Variants in PPP2R1B observed in about 807,000 individuals in gnomAD.
The protein encoded by PPP2R1B is serine/threonine-protein phosphatase 2A 65 kDa regulatory subunit A beta isoform.
Under a neutral mutation model 72.7 loss-of-function variants are expected in PPP2R1B, and 58 were observed. That is an observed-to-expected ratio of 0.80 (90% CI 0.65 to 0.99). PPP2R1B has a LOEUF of 0.99. PPP2R1B is among the 50% of genes least tolerant of loss of function. PPP2R1B has a pLI of 0.00. For synonymous variants in PPP2R1B, 256 were observed against 264.6 expected, an observed-to-expected ratio of 0.97 and a Z score of 0.32; for missense variants, 695 against 733.6, an observed-to-expected ratio of 0.95 and a Z score of 0.61.
chr11:111,740,503 G>A lies in PPP2R1B; in HGVS notation c.*1093C>T, dbSNP rs1393401249. On this transcript the variant is annotated 3_prime_UTR_variant, in exon 15 of 15. Transcript: ENST00000527614. ...TAAAAAGGGCTTTAATACTGTTTAA[G>A]TAGTTCAAATAGGCTTCCTCACTAT... The A allele has an allele frequency of 1.6e-5, 16 of 985,162 alleles. No homozygotes were observed. Among genetic ancestry groups the A allele is most frequent in the Non-Finnish European group, 1.9e-5 (16 of 829,820 alleles). The allele number at this position is 985,162 out of a possible 1,614,324, so 61.0% of individuals were successfully genotyped here.
At position 111,753,526 on chromosome 11, in the gene PPP2R1B, T is replaced by C. The variant is rs781845838; in HGVS notation, c.1081A>G (p.Ile361Val). ...QHVKSALASV[I>V]MGLSTILGKE... is the part of the protein sequence containing the mutation. The stretch of plus-strand genomic sequence containing the variant: ...CCCAAAATAGTAGACAATCCCATAA[T>C]TACAGAAGCTAGAGCCGATTTGACA... The change falls in exon 9 of 15, where the codon ATT becomes GTT. Residue 361 changes from isoleucine (I) to valine (V), a missense_variant. Ile to Val is a conservative substitution (Grantham distance 29). Transcript: ENST00000527614. 18 of 1,612,998 alleles carry C rather than the reference T, an allele frequency of 1.1e-5. No individual in the cohort carries two copies. The East Asian group carries it at 2.0e-4, about 18-fold the overall frequency.
chr11:111,733,174 A>G (rs1300452850), downstream of PPP2R1B, among the ~76,000 whole-genome samples: 1 of 152,196 alleles, frequency 6.6e-6, no homozygotes, highest in African/African-American at 2.4e-5. Context: ...TGTTCTTTCC[A>G]GCAAGCCTTC....
the PPP2R1B span, among the ~76,000 whole-genome samples, chr11:111,693,147 C>T: frequency 6.6e-6 from 1 of 152,056 alleles, no homozygotes; most frequent in African/African-American, 2.4e-5. Context: ...TCCTGGCCAA[C>T]ATGGTGAAAC....
chr11:111,753,074 G>C (rs1555048477), intron 9 of PPP2R1B, among the ~76,000 whole-genome samples: 2 of 152,168 alleles, frequency 1.3e-5, no homozygotes, highest in African/African-American at 4.8e-5. Flanking sequence ...TAAGGCTCAT[G>C]CTTGCCATGT....
the PPP2R1B span, among the ~76,000 whole-genome samples, chr11:111,696,989 C>G: frequency 2.6e-5 from 4 of 152,128 alleles, no homozygotes; most frequent in Admixed American, 2.6e-4. Flanking sequence ...TTAAAAGGCT[C>G]TTATTTTTAA....
the PPP2R1B span, among the ~76,000 whole-genome samples, chr11:111,696,503 G>A: frequency 8.1e-4 from 123 of 152,272 alleles, no homozygotes; most frequent in Non-Finnish European, 1.1e-3. Flanking sequence ...TAAATGTTTT[G>A]TTTATAATAG....
intron 10 of PPP2R1B, among the ~76,000 whole-genome samples, chr11:111,750,015 G>A (rs543118342): frequency 1.3e-5 from 2 of 152,316 alleles, no homozygotes; most frequent in South Asian, 2.1e-4. Context: ...CACCAGTGAA[G>A]AGAAGATGAC....
At position 111,746,165 on chromosome 11, in the gene PPP2R1B, C is replaced by A. The variant is rs546865335; in HGVS notation, c.1399+1789G>T. On this transcript the variant is annotated intron_variant, in intron 11 of 14. Transcript: ENST00000527614. ...TTTAAAAATTCCTCAAAATAAAACA[C>A]CATCTTAATCTAAAATGCCAACTTT... Among the ~76,000 whole-genome samples, 5 of 152,258 alleles carry A rather than the reference C, an allele frequency of 3.3e-5. No homozygotes were observed. The East Asian group carries it at 9.6e-4, about 29-fold the overall frequency.
At position 111,741,443 on chromosome 11, in the gene PPP2R1B, GAA is replaced by G; in HGVS notation, c.*151_*152del. 6.9e-7 allele frequency: 1 copy of G among 1,448,442 alleles called. No homozygotes were observed. The highest frequency in any genetic ancestry group is 9.1e-7 in the Non-Finnish European group (1 of 1,102,954). The allele number at this position is 1,448,442 out of a possible 1,614,324, so 89.7% of individuals were successfully genotyped here. ...AACAATCCCATTTCATCTTTAGAAAGAATTAAGTCACTAAATGATTTCTTCTA... is the reference window on the plus strand; with the variant it reads ...AACAATCCCATTTCATCTTTAGAAAGTTAAGTCACTAAATGATTTCTTCTA... On this transcript the variant is annotated 3_prime_UTR_variant, in exon 15 of 15. Transcript: ENST00000527614.
chr11:111,721,257 TG>T, the PPP2R1B span, among the ~76,000 whole-genome samples: 2 of 152,196 alleles, frequency 1.3e-5, no homozygotes, highest in Admixed American at 1.3e-4. Flanking sequence ...TGCTTCCAAG[TG>T]ATCAATACCA....
chr11:111,761,431 TG>T (rs1385327437), intron 3 of PPP2R1B: 1 of 364,574 alleles, frequency 2.7e-6, no homozygotes, highest in Non-Finnish European at 5.4e-6. Context: ...CTATGACCAA[TG>T]TTAGGCACCA....
intron 3 of PPP2R1B, among the ~76,000 whole-genome samples, chr11:111,763,534 A>T (rs1945404725): frequency 6.6e-6 from 1 of 152,212 alleles, no homozygotes; most frequent in African/African-American, 2.4e-5. Context: ...TAGAGGAAAG[A>T]TGACAGTCTG....
At position 111,738,438 on chromosome 11, in the gene PPP2R1B, A is replaced by T. The variant is rs1464337470; in HGVS notation, c.*3158T>A. 5.5e-5 allele frequency: 54 copies of T among 985,378 alleles called. No individual in the cohort carries two copies. The highest frequency in any genetic ancestry group is 6.4e-5 in the Non-Finnish European group (53 of 829,974). The allele number at this position is 985,378 out of a possible 1,614,324, so 61.0% of individuals were successfully genotyped here. On this transcript the variant is annotated 3_prime_UTR_variant, in exon 15 of 15. Coordinates refer to ENST00000527614, the MANE Select transcript of PPP2R1B (RefSeq NM_002716.5). ...AGCCTTTCAGTTTAGTGACAACACAACAGTTAACAAAGGAACAAAAGTGCA... is the reference window on the plus strand; with the variant it reads ...AGCCTTTCAGTTTAGTGACAACACATCAGTTAACAAAGGAACAAAAGTGCA...
At chr11:111,764,495 G>C (rs1211844112) in intron 3 of PPP2R1B, among the ~76,000 whole-genome samples, 1 of 152,124 alleles carries the variant, frequency 6.6e-6, no homozygotes, top group Non-Finnish European at 1.5e-5. Flanking sequence ...ATGCTGCTAG[G>C]TGAGAATTAA....
At chr11:111,742,802 C>A in intron 12 of PPP2R1B, 137 bp from the exon 13 acceptor site, 1 of 687,956 alleles carries the variant, frequency 1.5e-6, no homozygotes. Context: ...GTGGGGGACA[C>A]AAGAATCATT....
chr11:111,705,099 A>G, the PPP2R1B span: 2 of 1,605,270 alleles, frequency 1.2e-6, no homozygotes, highest in Non-Finnish European at 1.7e-6. This position sits in a 1 kb window ranked among gnomAD's most constrained non-coding sequence, Gnocchi z 4.3. Flanking sequence ...GATGGCCGCC[A>G]GCGTCGGCCT....
intron 15 of PPP2R1B, chr11:111,728,130 A>G (rs1944036638): frequency 6.6e-6 from 1 of 151,838 alleles, no homozygotes; most frequent in Non-Finnish European, 1.5e-5. Flanking sequence ...AAACTCCTAA[A>G]CTGGGCTGCC....
At position 111,742,093 on chromosome 11, in the gene PPP2R1B, T is replaced by C; in HGVS notation, c.1749A>G (p.Glu583=). Residue 583 remains glutamate (E), a synonymous_variant, in exon 14 of 15, where the codon GAA becomes GAG. Coordinates refer to ENST00000527614, the MANE Select transcript of PPP2R1B (RefSeq NM_002716.5). Reference sequence around the variant, plus strand: ...GTGCAAAGTATTTGACATCCATGTCTTCATCTTGACCTAACTTCTGTAGTA... The same window carrying C: ...GTGCAAAGTATTTGACATCCATGTCCTCATCTTGACCTAACTTCTGTAGTA... The part of the protein sequence containing the change: ...KPVLQKLGQD[E]DMDVKYFAQE... 1 of 1,613,978 alleles carries C rather than the reference T, an allele frequency of 6.2e-7. No individual in the cohort carries two copies. The highest frequency in any genetic ancestry group is 8.5e-7 in the Non-Finnish European group (1 of 1,179,866).
In PPP2R1B at chr11:111,741,468, C is replaced by G; in HGVS notation, c.*128G>C. 2 of 1,499,912 alleles carry G rather than the reference C, an allele frequency of 1.3e-6. No homozygotes were observed. Among genetic ancestry groups the G allele is most frequent in the South Asian group, 2.8e-5 (2 of 70,838 alleles). 92.9% of individuals were successfully genotyped at this position (1,499,912 alleles called of 1,614,324 possible). ...GAATTAAGTCACTAAATGATTTCTTCTAAGTTGTTGCCATTTGCTTGGATG... is the reference window on the plus strand; with the variant it reads ...GAATTAAGTCACTAAATGATTTCTTGTAAGTTGTTGCCATTTGCTTGGATG... On this transcript the variant is annotated 3_prime_UTR_variant, in exon 15 of 15. Transcript: ENST00000527614.
Sources: gnomAD v4.1 joint callset for allele counts (sites outside exome capture counted in the v4.1 genomes callset) on GRCh38, gnomAD v4.1.1 for gene constraint, Gnocchi (gnomAD v3.1) non-coding constraint, MANE v1.5 for transcripts, NCBI Gene and HGNC (gene_info 2026-07-23, HGNC 2026-07-21) for gene names.